PDSS2: variants seen among roughly 807,000 people sequenced by gnomAD.
PDSS2 encodes the protein all trans-polyprenyl-diphosphate synthase PDSS2.
Under a neutral mutation model 44.5 loss-of-function variants are expected in PDSS2, and 31 were observed. That is an observed-to-expected ratio of 0.70 (90% CI 0.52 to 0.94). The LOEUF is 0.94. Among genes scored for constraint, PDSS2 ranks in the 40% least tolerant of loss-of-function variants. The pLI is 0.00. For synonymous variants in PDSS2, 157 were observed against 180.3 expected, an observed-to-expected ratio of 0.87 and a Z score of 1.03; for missense variants, 452 against 482.2, an observed-to-expected ratio of 0.94 and a Z score of 0.59.
intron 1 of PDSS2, among the ~76,000 whole-genome samples, chr6:107,394,214 G>T (rs1779870670): frequency 1.3e-5 from 2 of 152,112 alleles, no homozygotes; most frequent in South Asian, 2.1e-4. Context: ...CTAGGATTTG[G>T]AGTATATGTA....
intron 1 of PDSS2, among the ~76,000 whole-genome samples, chr6:107,409,169 A>G (rs776044725): frequency 6.6e-5 from 10 of 152,242 alleles, no homozygotes; most frequent in Non-Finnish European, 1.2e-4. Flanking sequence ...CAGCAAGAAT[A>G]TAATTTTTAA....
intron 1 of PDSS2, among the ~76,000 whole-genome samples, chr6:107,451,505 A>G (rs576395495): frequency 6.6e-6 from 1 of 152,142 alleles, no homozygotes. Context: ...TCCAGGGCTC[A>G]GGGCATAAAC....
At chr6:107,393,016 T>C (rs1342855859) in intron 1 of PDSS2, among the ~76,000 whole-genome samples, 5 of 152,150 alleles carry the variant, frequency 3.3e-5, no homozygotes, top group African/African-American at 1.2e-4. Context: ...TATTTGGTTT[T>C]ATTCATTTTT....
intron 1 of PDSS2, among the ~76,000 whole-genome samples, chr6:107,421,677 G>C (rs1452350087): frequency 6.6e-6 from 1 of 151,564 alleles, no homozygotes. Context: ...TAGGAAAGGA[G>C]GAAAATTCCT....
intron 1 of PDSS2, among the ~76,000 whole-genome samples, chr6:107,354,804 T>C (rs188283399): frequency 8.6e-4 from 131 of 152,382 alleles, no homozygotes; most frequent in Non-Finnish European, 1.6e-3. Flanking sequence ...TTTTAAATTA[T>C]ATAAATAGCC....
At chr6:107,392,265 T>C (rs965821224) in intron 1 of PDSS2, among the ~76,000 whole-genome samples, 2 of 152,208 alleles carry the variant, frequency 1.3e-5, no homozygotes, top group Non-Finnish European at 2.9e-5. Context: ...AGAAGCTAAT[T>C]GGGCAGCAGC....
At chr6:107,419,710 C>A (rs923690929) in intron 1 of PDSS2, among the ~76,000 whole-genome samples, 1 of 152,204 alleles carries the variant, frequency 6.6e-6, no homozygotes, top group South Asian at 2.1e-4. Context: ...CACACACATA[C>A]TTCAGTATGT....
chr6:107,448,705 T>C (rs1218685570), intron 1 of PDSS2, among the ~76,000 whole-genome samples: 2 of 152,200 alleles, frequency 1.3e-5, no homozygotes, highest in Non-Finnish European at 2.9e-5. Context: ...GATATCTTTA[T>C]AGCAGCACCC....
intron 7 of PDSS2, among the ~76,000 whole-genome samples, chr6:107,186,526 C>T (rs1194588393): frequency 6.6e-6 from 1 of 151,922 alleles, no homozygotes; most frequent in Non-Finnish European, 1.5e-5. Context: ...ATGTGCAGAA[C>T]GTGCAGGTTT....
chr6:107,193,132 C>T (rs1772438971), intron 7 of PDSS2, among the ~76,000 whole-genome samples: 1 of 152,218 alleles, frequency 6.6e-6, no homozygotes, highest in South Asian at 2.1e-4. Flanking sequence ...CAAGTGTGTT[C>T]CTAGGCCTGT....
chr6:107,161,100 C>T (rs1771109274), intron 7 of PDSS2, among the ~76,000 whole-genome samples: 1 of 151,878 alleles, frequency 6.6e-6, no homozygotes, highest in African/African-American at 2.4e-5. Flanking sequence ...ATATCAAACT[C>T]CTGAGCTCAA....
chr6:107,245,517 C>A, intron 4 of PDSS2, 31 bp downstream of exon 4: 2 of 1,135,078 alleles, frequency 1.8e-6, no homozygotes, highest in Non-Finnish European at 2.5e-6. Context: ...CGGTTTATAA[C>A]ATAACATTTT....
At chr6:107,386,900 A>G (rs1562505012) in intron 1 of PDSS2, among the ~76,000 whole-genome samples, 1 of 152,230 alleles carries the variant, frequency 6.6e-6, no homozygotes, top group South Asian at 2.1e-4. Context: ...AAGAAACCAC[A>G]GAAGTCCAAA....
At chr6:107,209,401 G>C (rs1041063686) in intron 6 of PDSS2, among the ~76,000 whole-genome samples, 1 of 152,046 alleles carries the variant, frequency 6.6e-6, no homozygotes, top group Non-Finnish European at 1.5e-5. Context: ...CATCTGCAAG[G>C]CTTTTTCTCC....
intron 1 of PDSS2, among the ~76,000 whole-genome samples, chr6:107,457,549 A>T (rs1368058185): frequency 3.3e-5 from 5 of 152,200 alleles, no homozygotes; most frequent in Admixed American, 3.3e-4. Flanking sequence ...TCTATCCACT[A>T]AATGCCAGTA....
chr6:107,378,430 G>A (rs1306964994), intron 1 of PDSS2, among the ~76,000 whole-genome samples: 1 of 152,146 alleles, frequency 6.6e-6, no homozygotes, highest in Non-Finnish European at 1.5e-5. Flanking sequence ...TAAGGCTAAT[G>A]TATTTCTATA....
intron 2 of PDSS2, among the ~76,000 whole-genome samples, chr6:107,309,964 T>C (rs1776981431): frequency 6.6e-6 from 1 of 152,122 alleles, no homozygotes; most frequent in Non-Finnish European, 1.5e-5. Context: ...CTCACAGATC[T>C]GGAGGCTAGA....
In PDSS2 at chr6:107,251,822, A is replaced by G. The variant is rs143889241; in HGVS notation, c.631-6203T>C. 1.1e-3 allele frequency among the ~76,000 whole-genome samples: 174 copies of G among 152,272 alleles called. 1 individual carries two copies. The highest frequency in any genetic ancestry group is 3.9e-3 in the African/African-American group (163 of 41,548). On this transcript the variant is annotated intron_variant, in intron 3 of 7. Transcript: ENST00000369037. ...AAAGGTAACCAGAGCAGGTGGTGTC[A>G]CTCTTTACTTCATAAAAATGAAGCA...
chr6:107,440,307 T>C (rs1053457601), intron 1 of PDSS2, among the ~76,000 whole-genome samples: 1 of 152,212 alleles, frequency 6.6e-6, no homozygotes, highest in Non-Finnish European at 1.5e-5. Context: ...GATATTCCAC[T>C]TAGTGCCACT....
Sources: gnomAD v4.1 joint callset for allele counts (sites outside exome capture counted in the v4.1 genomes callset) on GRCh38, gnomAD v4.1.1 for gene constraint, MANE v1.5 for transcripts, NCBI Gene and HGNC (gene_info 2026-07-23, HGNC 2026-07-21) for gene names.